Variants in RPAP2 observed in about 807,000 individuals in gnomAD.
RPAP2 encodes the protein RNA polymerase II associated protein 2.
In RPAP2, 52 loss-of-function variants were observed where a neutral mutation model predicts 73.1. The ratio of observed to expected loss-of-function variants is 0.71; its 90% confidence interval spans 0.57 to 0.90. RPAP2 has a LOEUF of 0.90. RPAP2 is among the 40% of genes least tolerant of loss of function. The pLI is 0.00. For missense variants in RPAP2, 598 were observed against 701.8 expected, an observed-to-expected ratio of 0.85 and a Z score of 1.67; for synonymous variants, 225 against 242.1, an observed-to-expected ratio of 0.93 and a Z score of 0.65.
chr1:92,339,902 G>A (rs143549279), intron 10 of RPAP2, among the ~76,000 whole-genome samples: 13 of 152,138 alleles, frequency 8.5e-5, no homozygotes, highest in African/African-American at 2.9e-4. Context: ...TTGATTATAT[G>A]ACATCTGAGA....
At chr1:92,323,028 A>G (rs1652388831) in intron 7 of RPAP2, among the ~76,000 whole-genome samples, 1 of 145,786 alleles carries the variant, frequency 6.9e-6, no homozygotes, top group Non-Finnish European at 1.5e-5. Context: ...TTATATTTTT[A>G]TATATTTATA....
rs1368489131 is a variant in RPAP2 at position 92,397,996 on chromosome 1, A to C, written c.*10985A>C. 6.5e-6 allele frequency: 1 copy of C among 152,808 alleles called. No homozygotes were observed. Among genetic ancestry groups the C allele is most frequent in the Non-Finnish European group, 1.5e-5 (1 of 68,658 alleles). The allele number at this position is 152,808 out of a possible 1,614,324, so 9.5% of individuals were successfully genotyped here. A position where few individuals can be genotyped will look rare whatever the true frequency, so the allele number is the denominator to read the frequency against. ...ACATAGGGAGACCCCATCTCTACAA[A>C]AAAGTAAACAATTAGCCGGGCATGG... On this transcript the variant is annotated 3_prime_UTR_variant, in exon 13 of 13. Coordinates refer to ENST00000610020, the MANE Select transcript of RPAP2 (RefSeq NM_024813.3).
chr1:92,388,953 G>A lies in RPAP2; in HGVS notation c.*1942G>A, dbSNP rs1412003792. 2 of 152,352 alleles carry A rather than the reference G, an allele frequency of 1.3e-5. No individual in the cohort carries two copies. 9.4% of individuals were successfully genotyped at this position (152,352 alleles called of 1,614,324 possible). On this transcript the variant is annotated 3_prime_UTR_variant, in exon 13 of 13. Coordinates refer to ENST00000610020, the MANE Select transcript of RPAP2 (RefSeq NM_024813.3). ...ACTGTCTCTGTAGATTCCACCTCCAGGGGCAGGGCATATCTGAACAAAAGG... is the reference window on the plus strand; with the variant it reads ...ACTGTCTCTGTAGATTCCACCTCCAAGGGCAGGGCATATCTGAACAAAAGG...
At chr1:92,317,455 C>T (rs1417034116) in intron 6 of RPAP2, among the ~76,000 whole-genome samples, 1 of 151,774 alleles carries the variant, frequency 6.6e-6, no homozygotes, top group African/African-American at 2.4e-5. Context: ...TTGCAGTGAG[C>T]CGAGATTGTG....
intron 3 of RPAP2, among the ~76,000 whole-genome samples, chr1:92,302,753 T>C (rs1650953450): frequency 1.3e-5 from 2 of 151,674 alleles, no homozygotes; most frequent in African/African-American, 4.8e-5. Context: ...GCGCCCACCA[T>C]TACGCCCGGC....
At chr1:92,303,364 A>T (rs1009882121) in intron 3 of RPAP2, among the ~76,000 whole-genome samples, 1 of 152,186 alleles carries the variant, frequency 6.6e-6, no homozygotes, top group African/African-American at 2.4e-5. Flanking sequence ...AAACAGAAAA[A>T]CTTGTTAAAA....
chr1:92,356,142 A>T (rs1055034928), intron 11 of RPAP2, among the ~76,000 whole-genome samples: 33 of 150,430 alleles, frequency 2.2e-4, no homozygotes, highest in African/African-American at 7.3e-4. Context: ...TTATTTATTT[A>T]TTTTTTAATT....
At chr1:92,336,315 T>G (rs1653273415) in intron 9 of RPAP2, 32 bp from the exon 10 acceptor site, 1 of 1,514,536 alleles carries the variant, frequency 6.6e-7, no homozygotes, top group East Asian at 2.3e-5. Context: ...TATAATTTTG[T>G]TTTAAAATAA....
chr1:92,382,692 G>A (rs919669293), intron 12 of RPAP2, among the ~76,000 whole-genome samples: 7 of 152,146 alleles, frequency 4.6e-5, no homozygotes, highest in African/African-American at 1.7e-4. Context: ...TGAGTAGGTT[G>A]CAAAAATTTT....
In RPAP2 at chr1:92,336,432, G is replaced by C; in HGVS notation, c.1619+5G>C. ...AAATCTTGTTCGAACTTTCAGGTTA[G>C]TGTTTATATTACAATTATCCTTCTC... On this transcript the variant is annotated splice_donor_5th_base_variant and intron_variant, in intron 10 of 12. Coordinates refer to ENST00000610020, the MANE Select transcript of RPAP2 (RefSeq NM_024813.3). The C allele has an allele frequency of 6.4e-7, 1 of 1,550,632 alleles. No individual in the cohort carries two copies. Among genetic ancestry groups the C allele is most frequent in the Non-Finnish European group, 8.9e-7 (1 of 1,123,498 alleles).
At position 92,314,821 on chromosome 1, in the gene RPAP2, G is replaced by T. The variant is rs145323535; in HGVS notation, c.489-5778G>T. ...GCACTTTGGGAGGCCAAGGCAGGTG[G>T]ATCACCTGAGGTCAGGAGTTTGAGA... On this transcript the variant is annotated intron_variant, in intron 6 of 12. Transcript: ENST00000610020. Among the ~76,000 whole-genome samples the T allele has an allele frequency of 7.8e-3, 1,182 of 151,550 alleles. 6 individuals carry two copies. The highest frequency in any genetic ancestry group is 0.027 in the African/African-American group (1,133 of 41,302).
At chr1:92,385,186 A>T (rs1655817622) in intron 12 of RPAP2, among the ~76,000 whole-genome samples, 1 of 152,074 alleles carries the variant, frequency 6.6e-6, no homozygotes, top group Admixed American at 6.6e-5. Context: ...AAAAAAAAAA[A>T]AAAAGAGGTT....
Position 92,324,313 on chromosome 1 carries a change from G to A in RPAP2, c.1393G>A (p.Glu465Lys). ...TGAAAAGTTAAATCTGAGGATCAGG[G>A]AGTTTTACAGAGGACGGTATGTTTT... Reference protein sequence around the residue: ...ETEKLNLRIREFYRGRYVLGE... With the variant: ...ETEKLNLRIRKFYRGRYVLGE... Residue 465 changes from glutamate to lysine, a missense_variant, in exon 8 of 13, where the codon GAG (glutamate) becomes AAG (lysine). Physicochemically the swap from Glu to Lys is moderately conservative, Grantham distance 56. Around this residue, in one of 3 missense-constraint regions of RPAP2, gnomAD observed 506 missense variants for 612.8 expected, o/e 0.83. Transcript: ENST00000610020. 6.2e-7 allele frequency: 1 copy of A among 1,614,068 alleles called. No individual in the cohort carries two copies. The highest frequency in any genetic ancestry group is 8.5e-7 in the Non-Finnish European group (1 of 1,179,982).
At chr1:92,352,910 A>G (rs1654286859) in intron 11 of RPAP2, among the ~76,000 whole-genome samples, 1 of 152,142 alleles carries the variant, frequency 6.6e-6, no homozygotes, top group Non-Finnish European at 1.5e-5. Context: ...ATCTTGACAG[A>G]TTTACCTATT....
intron 2 of RPAP2, among the ~76,000 whole-genome samples, chr1:92,301,241 T>C (rs1402457881): frequency 7.2e-5 from 11 of 152,212 alleles, no homozygotes; most frequent in Admixed American, 3.3e-4. Flanking sequence ...CCCAGCACTT[T>C]GGGAGGCTGA....
At chr1:92,304,381 ATTT>A (rs758653626) in intron 5 of RPAP2, 32 bp downstream of exon 5, 1 of 1,311,098 alleles carries the variant, frequency 7.6e-7, no homozygotes, top group East Asian at 2.4e-5. Context: ...GTGGCAATTA[ATTT>A]TTTTTCTTTA....
chr1:92,396,416 T>A lies in RPAP2; in HGVS notation c.*9405T>A, dbSNP rs1026856012. The A allele has an allele frequency of 2.0e-5, 3 of 151,938 alleles. No individual in the cohort carries two copies. The highest frequency in any genetic ancestry group is 4.4e-5 in the Non-Finnish European group (3 of 68,010). 9.4% of individuals were successfully genotyped at this position (151,938 alleles called of 1,614,324 possible). ...AATGGAGTAGTGATATAGGCTACAA[T>A]ATGGATGCATCTCAAAACATTATGC... On this transcript the variant is annotated 3_prime_UTR_variant, in exon 13 of 13. Transcript: ENST00000610020.
At chr1:92,300,554 C>T (rs1571009132) in intron 2 of RPAP2, among the ~76,000 whole-genome samples, 1 of 152,210 alleles carries the variant, frequency 6.6e-6, no homozygotes. Flanking sequence ...CTCCAAGTTT[C>T]GCTGTCACTC....
chr1:92,329,201 T>C (rs11166575), intron 8 of RPAP2, among the ~76,000 whole-genome samples: 131,414 of 152,208 alleles, frequency 0.86, 57,164 homozygotes, highest in East Asian at 1. Flanking sequence ...AGGCAGTGGG[T>C]AGGGCCATAG....
Sources: allele counts gnomAD v4.1 joint callset (sites outside exome capture counted in the v4.1 genomes callset), GRCh38; gene constraint gnomAD v4.1.1; regional missense constraint gnomAD v4.1.1; transcripts MANE v1.5; gene names NCBI Gene and HGNC (gene_info 2026-07-23, HGNC 2026-07-21).